The following CDRT4 variants were observed in gnomAD, a reference collection of about 807,000 sequenced individuals.
The protein encoded by CDRT4 is CMT1A duplicated region transcript 4, also known as CMT1A duplicated region transcript 4 protein.
For synonymous variants in CDRT4, 64 were observed against 69.6 expected (o/e 0.92, Z 0.40); for missense variants, 167 against 193.1 (o/e 0.87, Z 0.80).
intron 2 of CDRT4, among the ~76,000 whole-genome samples, chr17:15,448,910 C>T (rs2954775): frequency 0.18 from 27,546 of 152,152 alleles, 4,448 homozygotes; most frequent in East Asian, 0.48. Context: ...CTGTGCAGAC[C>T]TCCAGCCCAG....
intron 1 of CDRT4, among the ~76,000 whole-genome samples, chr17:15,462,605 A>C (rs534786600): frequency 4.6e-5 from 7 of 152,266 alleles, no homozygotes; most frequent in Admixed American, 3.3e-4. Flanking sequence ...AGCAATGAAA[A>C]GGAACAGGCT....
At chr17:15,455,638 G>A (rs1979452560) in intron 1 of CDRT4, among the ~76,000 whole-genome samples, 2 of 152,170 alleles carry the variant, frequency 1.3e-5, no homozygotes, top group South Asian at 4.1e-4. Context: ...CATCTTAAGG[G>A]AAGCCAGCTG....
chr17:15,448,852 C>A (rs1314599062), intron 2 of CDRT4, among the ~76,000 whole-genome samples: 1 of 152,208 alleles, frequency 6.6e-6, no homozygotes, highest in Admixed American at 6.5e-5. Context: ...TCCTCCTTTG[C>A]GCTGTTCCCT....
intron 1 of CDRT4, among the ~76,000 whole-genome samples, chr17:15,455,056 G>A (rs1251999605): frequency 1.3e-5 from 2 of 152,146 alleles, no homozygotes; most frequent in Non-Finnish European, 2.9e-5. Flanking sequence ...GGCATGCAAC[G>A]TGAGGACTAG....
chr17:15,451,877 T>A (rs1979278839), intron 2 of CDRT4, among the ~76,000 whole-genome samples: 1 of 152,208 alleles, frequency 6.6e-6, no homozygotes, highest in Admixed American at 6.5e-5. Context: ...CTTAACCAAC[T>A]AGACTATAAG....
chr17:15,457,116 G>A (rs1021774699), intron 1 of CDRT4, among the ~76,000 whole-genome samples: 5 of 152,070 alleles, frequency 3.3e-5, no homozygotes, highest in Admixed American at 6.6e-5. Context: ...GTAAAAATGA[G>A]GATTGAGGTC....
At chr17:15,455,207 G>A (rs765318860) in intron 1 of CDRT4, among the ~76,000 whole-genome samples, 5 of 151,980 alleles carry the variant, frequency 3.3e-5, no homozygotes, top group African/African-American at 4.8e-5. Context: ...GAGAGTGGAG[G>A]GTAAATGTAA....
intron 2 of CDRT4, among the ~76,000 whole-genome samples, chr17:15,451,794 C>T (rs1275357281): frequency 2.0e-5 from 3 of 152,206 alleles, no homozygotes; most frequent in Admixed American, 6.5e-5. Context: ...GTCACTATCA[C>T]ATCTCCTATT....
At chr17:15,461,466 A>G (rs1333870866) in intron 1 of CDRT4, among the ~76,000 whole-genome samples, 1 of 152,234 alleles carries the variant, frequency 6.6e-6, no homozygotes, top group East Asian at 1.9e-4. Flanking sequence ...ATTCTGGACC[A>G]GACCTGCCAG....
At chr17:15,442,181 C>T (rs1978793047) in intron 2 of CDRT4, among the ~76,000 whole-genome samples, 1 of 152,106 alleles carries the variant, frequency 6.6e-6, no homozygotes. Flanking sequence ...GAGACCACGA[C>T]GGGCGGATCA....
chr17:15,443,052 G>A (rs1978842245), intron 2 of CDRT4, among the ~76,000 whole-genome samples: 2 of 152,014 alleles, frequency 1.3e-5, no homozygotes, highest in African/African-American at 2.4e-5. Flanking sequence ...AGACTACTGG[G>A]CTTTCAGAGC....
intron 1 of CDRT4, among the ~76,000 whole-genome samples, chr17:15,465,745 C>A (rs540681950): frequency 6.6e-6 from 1 of 152,224 alleles, no homozygotes; most frequent in African/African-American, 2.4e-5. Context: ...TGCACAGACA[C>A]GCATGCTAAC....
At chr17:15,447,692 G>C (rs1423538012) in intron 2 of CDRT4, among the ~76,000 whole-genome samples, 3 of 152,092 alleles carry the variant, frequency 2.0e-5, no homozygotes, top group African/African-American at 7.2e-5. Flanking sequence ...ACATTGGAAG[G>C]CCCATTAAGC....
chr17:15,443,153 T>G lies in CDRT4; in HGVS notation c.-47-2868A>C, dbSNP rs570236156. Among the ~76,000 whole-genome samples, 30 of 152,302 alleles carry G rather than the reference T, an allele frequency of 2.0e-4. 1 individual carries two copies. Among genetic ancestry groups the G allele is most frequent in the Admixed American group, 1.7e-3 (26 of 15,292 alleles). ...GTTTGGCCTAAATCATTCAATTACCTGGAACGTGAAACAATCAACCTTGAT... is the reference window on the plus strand; with the variant it reads ...GTTTGGCCTAAATCATTCAATTACCGGGAACGTGAAACAATCAACCTTGAT... On this transcript the variant is annotated intron_variant, in intron 2 of 3. Transcript: ENST00000619038.
At chr17:15,448,653 T>A (rs1270567873) in intron 2 of CDRT4, among the ~76,000 whole-genome samples, 1 of 152,190 alleles carries the variant, frequency 6.6e-6, no homozygotes, top group Non-Finnish European at 1.5e-5. Flanking sequence ...GGAAAGGTTG[T>A]TCCGGAGCCT....
intron 1 of CDRT4, among the ~76,000 whole-genome samples, chr17:15,463,998 AAC>A (rs1979877209): frequency 1.3e-5 from 2 of 152,184 alleles, no homozygotes; most frequent in African/African-American, 4.8e-5. Context: ...TCAAGCAAGT[AAC>A]AGAGTCAGAA....
chr17:15,459,835 G>T (rs1331725106), intron 1 of CDRT4, among the ~76,000 whole-genome samples: 1 of 152,008 alleles, frequency 6.6e-6, no homozygotes, highest in East Asian at 1.9e-4. Flanking sequence ...GCTGCCATAC[G>T]GAATGATCTC....
intron 1 of CDRT4, among the ~76,000 whole-genome samples, chr17:15,456,569 C>T (rs1337893635): frequency 1.3e-5 from 2 of 150,548 alleles, no homozygotes; most frequent in Non-Finnish European, 2.9e-5. Flanking sequence ...CCTTTACACA[C>T]ACACACACAC....
At position 15,466,109 on chromosome 17, in the gene CDRT4, G is replaced by A. The variant is rs1258026814; in HGVS notation, c.-130+1351C>T. Among the ~76,000 whole-genome samples, 3 of 152,136 alleles carry A rather than the reference G, an allele frequency of 2.0e-5. 1 individual carries two copies. The highest frequency in any genetic ancestry group is 4.1e-4 in the South Asian group (2 of 4,828). On this transcript the variant is annotated intron_variant, in intron 1 of 3. Coordinates refer to ENST00000619038, the MANE Select transcript of CDRT4 (RefSeq NM_001204477.2). ...ACCAGGAAGCCTGGAGGAAGCCTGC[G>A]ACCTGGGACCCAGGTCAGCTCCCTG...
Sources: allele counts gnomAD v4.1 joint callset (sites outside exome capture counted in the v4.1 genomes callset), GRCh38; gene constraint gnomAD v4.1.1; transcripts MANE v1.5; gene names NCBI Gene and HGNC (gene_info 2026-07-23, HGNC 2026-07-21).